NCOA1: variants seen among roughly 807,000 people sequenced by gnomAD.
NCOA1 encodes the protein Hin-2 protein.
NCOA1 carries 35 observed loss-of-function variants against 150.9 expected under a neutral mutation model. The ratio of observed to expected loss-of-function variants is 0.23; its 90% confidence interval spans 0.18 to 0.31. The LOEUF is 0.31. Among genes scored for constraint, NCOA1 ranks in the 10% least tolerant of loss-of-function variants. The probability of loss-of-function intolerance (pLI) is 1.00; values close to 1 mark genes in which losing one functional copy is unlikely to be tolerated. For missense variants in NCOA1, 1,491 were observed against 1,749.3 expected (o/e 0.85, Z 2.63); for synonymous variants, 590 against 630.0 (o/e 0.94, Z 0.95).
At chr2:24,704,492 T>C (rs917366655) in intron 11 of NCOA1, among the ~76,000 whole-genome samples, 1 of 152,116 alleles carries the variant, frequency 6.6e-6, no homozygotes, top group Non-Finnish European at 1.5e-5. Context: ...AAGATTAAGG[T>C]TGGGCCAGGC....
chr2:24,715,626 T>C (rs943279742), intron 14 of NCOA1, among the ~76,000 whole-genome samples: 5 of 152,106 alleles, frequency 3.3e-5, no homozygotes, highest in Admixed American at 2.0e-4. Context: ...GATAATGATA[T>C]AGAAAAAGCA....
intron 5 of NCOA1, among the ~76,000 whole-genome samples, chr2:24,662,156 CT>C (rs1178193376): frequency 6.6e-6 from 1 of 152,166 alleles, no homozygotes; most frequent in Non-Finnish European, 1.5e-5. Flanking sequence ...GAATTGAATT[CT>C]TTAATCATAA....
chr2:24,559,950 TCTC>T (rs565091611), intron 1 of NCOA1, among the ~76,000 whole-genome samples: 10 of 152,302 alleles, frequency 6.6e-5, no homozygotes, highest in East Asian at 5.8e-4. Flanking sequence ...TTTCTGTTCT[TCTC>T]CTAGTGGCTT....
Position 24,654,412 on chromosome 2 carries a change from C to A in NCOA1, c.-17-4249C>A, listed in dbSNP as rs972417851. Among the ~76,000 whole-genome samples, 13 of 152,222 alleles carry A rather than the reference C, an allele frequency of 8.5e-5. No individual in the cohort carries two copies. In the South Asian group the frequency reaches 2.7e-3, roughly 32 times the overall value. On this transcript the variant is annotated intron_variant, in intron 4 of 22. Transcript: ENST00000348332. ...TGCAGTTCATCTCATTTATCATTAA[C>A]AGAAATCTGAAATTTAAAAGTATAT...
intron 3 of NCOA1, among the ~76,000 whole-genome samples, chr2:24,629,419 G>A (rs1364131980): frequency 6.6e-6 from 1 of 150,532 alleles, no homozygotes; most frequent in African/African-American, 2.4e-5. Context: ...AAAGGAGCAG[G>A]AAGTAAAAAT....
intron 14 of NCOA1, among the ~76,000 whole-genome samples, chr2:24,723,140 G>A (rs1219851765): frequency 2.0e-5 from 3 of 151,856 alleles, no homozygotes; most frequent in Non-Finnish European, 2.9e-5. Context: ...TGGCAGTATC[G>A]TTTTTTCTGT....
At chr2:24,527,858 T>A (rs1664716858) in intron 1 of NCOA1, among the ~76,000 whole-genome samples, 1 of 152,188 alleles carries the variant, frequency 6.6e-6, no homozygotes, top group Admixed American at 6.5e-5. Context: ...ATAACAGCTA[T>A]CCTAATTGGT....
chr2:24,762,762 G>A lies in NCOA1; in HGVS notation c.4141G>A (p.Ala1381Thr), dbSNP rs151286421. The change falls in exon 22 of 23, where the codon GCA (alanine) becomes ACA (threonine). Residue 1381 changes from alanine (A) to threonine (T), a missense_variant. Around this residue, in one of 8 missense-constraint regions of NCOA1, gnomAD observed 46 missense variants for 78.8 expected, o/e 0.58. Transcript: ENST00000348332. ...ATCCACTGACCTTCTCAAAACAGAA[G>A]CAGATGGAACCCAGGTCAGTAAGGA... is the stretch of plus-strand genomic sequence containing the variant. Reference protein sequence around the residue: ...LSSTDLLKTEADGTQQVQQVQ... With the variant: ...LSSTDLLKTETDGTQQVQQVQ... 5 of 1,613,796 alleles carry A rather than the reference G, an allele frequency of 3.1e-6. No homozygotes were observed. In the African/African-American group the frequency reaches 6.7e-5, roughly 22 times the overall value.
At chr2:24,587,550 A>G (rs1480014785) in intron 3 of NCOA1, among the ~76,000 whole-genome samples, 1 of 152,212 alleles carries the variant, frequency 6.6e-6, no homozygotes. Flanking sequence ...CTTGACTATT[A>G]TAAGAACAGA....
At position 24,728,302 on chromosome 2, in the gene NCOA1, C is replaced by G; in HGVS notation, c.2718-6C>G. ...TCTGAAACTTTCTTGTTTTTTAATC[C>G]TGCAGCCAGTGTATTAGCTCACAAT... On this transcript the variant is annotated splice_polypyrimidine_tract_variant and splice_region_variant and intron_variant, in intron 15 of 22. Coordinates refer to ENST00000348332, the MANE Select transcript of NCOA1 (RefSeq NM_003743.5). 1 of 1,598,320 alleles carries G rather than the reference C, an allele frequency of 6.3e-7. No homozygotes were observed. The highest frequency in any genetic ancestry group is 1.3e-5 in the African/African-American group (1 of 74,136).
At chr2:24,497,341 C>T (rs953327891) in intron 1 of NCOA1, among the ~76,000 whole-genome samples, 2 of 152,042 alleles carry the variant, frequency 1.3e-5, no homozygotes, top group Non-Finnish European at 2.9e-5. Flanking sequence ...TTCTGATGAC[C>T]CGGGAGCCAT....
chr2:24,493,415 A>G (rs991083378), intron 1 of NCOA1, among the ~76,000 whole-genome samples: 33 of 152,336 alleles, frequency 2.2e-4, no homozygotes, highest in African/African-American at 7.7e-4. Context: ...ATTTTTGTAG[A>G]TATTTTCTAC....
chr2:24,719,202 A>G (rs1162352458), intron 14 of NCOA1, among the ~76,000 whole-genome samples: 2 of 152,128 alleles, frequency 1.3e-5, no homozygotes, highest in Non-Finnish European at 2.9e-5. Flanking sequence ...GAAAAAAGCC[A>G]TATATATTCA....
chr2:24,630,836 AT>A (rs1467440500), intron 3 of NCOA1, among the ~76,000 whole-genome samples: 1 of 152,204 alleles, frequency 6.6e-6, no homozygotes, highest in Non-Finnish European at 1.5e-5. Context: ...AAATATTGCT[AT>A]TCTATTAGAA....
At position 24,704,418 on chromosome 2, in the gene NCOA1, A is replaced by C. The variant is rs369786596; in HGVS notation, c.950-668A>C. On this transcript the variant is annotated intron_variant, in intron 11 of 22. Coordinates refer to ENST00000348332, the MANE Select transcript of NCOA1 (RefSeq NM_003743.5). Reference sequence around the variant, plus strand: ...GATAATACTGAGAGTGAGAGGGGAGAAAAATATTTCCTGGTATTTTTAATG... The same window carrying C: ...GATAATACTGAGAGTGAGAGGGGAGCAAAATATTTCCTGGTATTTTTAATG... 4.1e-4 allele frequency among the ~76,000 whole-genome samples: 62 copies of C among 152,290 alleles called. 1 individual carries two copies. In the South Asian group the frequency reaches 0.012, roughly 30 times the overall value.
intron 1 of NCOA1, among the ~76,000 whole-genome samples, chr2:24,494,778 G>A (rs1299546027): frequency 6.6e-6 from 1 of 152,110 alleles, no homozygotes; most frequent in Non-Finnish European, 1.5e-5. Context: ...CTGCAGAACC[G>A]TATAAATTTC....
intron 1 of NCOA1, among the ~76,000 whole-genome samples, chr2:24,533,030 A>G (rs2148169883): frequency 6.6e-6 from 1 of 152,296 alleles, no homozygotes; most frequent in South Asian, 2.1e-4. Context: ...TGAATCCATA[A>G]ATTACCTTAG....
intron 1 of NCOA1, among the ~76,000 whole-genome samples, chr2:24,524,751 G>C (rs566124065): frequency 3.3e-5 from 5 of 152,076 alleles, no homozygotes; most frequent in Non-Finnish European, 7.4e-5. Flanking sequence ...GGGATTACAC[G>C]TACCCACCAC....
chr2:24,710,376 G>A (rs937475727), intron 13 of NCOA1, among the ~76,000 whole-genome samples: 2 of 152,196 alleles, frequency 1.3e-5, no homozygotes, highest in Admixed American at 6.5e-5. Context: ...ACAGGTGTGA[G>A]CCATGGCACC....
Sources: allele counts gnomAD v4.1 joint callset (sites outside exome capture counted in the v4.1 genomes callset), GRCh38; gene constraint gnomAD v4.1.1; regional missense constraint gnomAD v4.1.1; transcripts MANE v1.5; gene names NCBI Gene and HGNC (gene_info 2026-07-23, HGNC 2026-07-21).